Variants in REPS2 observed in about 807,000 individuals in gnomAD.
REPS2 encodes RALBP1 associated Eps domain containing 2, also known as ralBP1-associated Eps domain-containing protein 2.
A neutral mutation model predicts 53.6 loss-of-function variants in REPS2; 23 were observed. The observed-to-expected ratio is 0.43, with a 90% CI of 0.31 to 0.61. The LOEUF (loss-of-function observed/expected upper bound fraction) is 0.61, where lower values mean the gene tolerates loss of function less well. Among genes scored for constraint, REPS2 ranks in the 20% least tolerant of loss-of-function variants. The probability of loss-of-function intolerance (pLI) is 0.11; values close to 1 mark genes in which losing one functional copy is unlikely to be tolerated. For missense variants in REPS2, 446 were observed against 534.9 expected (o/e 0.83, Z 1.64); for synonymous variants, 238 against 218.6 (o/e 1.09, Z -0.78).
chrX:17,128,419 G>C (rs892607869), intron 14 of REPS2, among the ~76,000 whole-genome samples: 1 of 110,404 alleles, frequency 9.1e-6, no homozygotes, highest in Middle Eastern at 4.6e-3. Flanking sequence ...GGGGTGGGAG[G>C]TAGGCTCCCA....
rs1293317066 is a variant in REPS2, at chrX:17,020,222, G to T, written c.398-1901G>T. Among the ~76,000 whole-genome samples, 4 of 112,228 alleles carry T rather than the reference G, an allele frequency of 3.6e-5. 1 individual carries two copies. The East Asian group carries it at 1.1e-3, about 31-fold the overall frequency. On this transcript the variant is annotated intron_variant, in intron 2 of 17. Transcript: ENST00000357277. Reference sequence around the variant, plus strand: ...CATAATTCAGTTAGTGTATTCCATTGTTCCTTGGAGGTATCTGTTGAATGC... The same window carrying T: ...CATAATTCAGTTAGTGTATTCCATTTTTCCTTGGAGGTATCTGTTGAATGC...
At chrX:17,141,799 T>C (rs1430272228) in intron 17 of REPS2, among the ~76,000 whole-genome samples, 1 of 112,828 alleles carries the variant, frequency 8.9e-6, no homozygotes, top group Non-Finnish European at 1.9e-5. Flanking sequence ...CATATCTTAC[T>C]TTATGAAATA....
At position 16,951,548 on chromosome X, in the gene REPS2, CACACACACACA is replaced by C. The variant is rs1458275979; in HGVS notation, c.273+4415_273+4425del. On this transcript the variant is annotated intron_variant, in intron 1 of 17. Transcript: ENST00000357277. ...ACACACACACACACACACACACACA[CACACACACACA>C]CCCCCGCTACCTACCTCTCTCTGGG... is the stretch of plus-strand genomic sequence containing the variant. 6.3e-3 allele frequency among the ~76,000 whole-genome samples: 208 copies of C among 33,143 alleles called. 5 individuals carry two copies. The highest frequency in any genetic ancestry group is 0.016 in the Admixed American group (31 of 1,955). The allele number at this position is 33,143 out of a possible 115,157, so 28.8% of individuals were successfully genotyped here.
chrX:17,007,234 G>C (rs745903005), intron 2 of REPS2, among the ~76,000 whole-genome samples: 1 of 112,194 alleles, frequency 8.9e-6, no homozygotes, highest in African/African-American at 3.2e-5. Flanking sequence ...AAATGGCCGA[G>C]AAGATTGCCA....
chrX:17,138,205 G>A (rs981220604), intron 16 of REPS2: 44 of 112,526 alleles, frequency 3.9e-4, no homozygotes, highest in African/African-American at 1.4e-3. Context: ...AATGGGCGCA[G>A]TAGGATGCGT....
At chrX:17,170,146 A>G in the REPS2 span, among the ~76,000 whole-genome samples, 2 of 112,659 alleles carry the variant, frequency 1.8e-5, no homozygotes, top group Non-Finnish European at 3.8e-5. Flanking sequence ...GAATGTTGGC[A>G]CCATCACAGG....
the REPS2 span, among the ~76,000 whole-genome samples, chrX:17,170,346 T>C: frequency 8.9e-6 from 1 of 112,608 alleles, no homozygotes; most frequent in Admixed American, 9.4e-5. Flanking sequence ...GACATTTCCT[T>C]CCAGGGTAAG....
rs760807265 is a variant in REPS2, at chrX:17,043,094, G to A, written c.772-4253G>A. On this transcript the variant is annotated intron_variant, in intron 5 of 17. Coordinates refer to ENST00000357277, the MANE Select transcript of REPS2 (RefSeq NM_004726.3). ...TTATGGGTATGAGCCAACATGCCCA[G>A]CCAAGATTCATATTTTTTAAGACGC... Among the ~76,000 whole-genome samples, 170 of 111,673 alleles carry A rather than the reference G, an allele frequency of 1.5e-3. 1 individual carries two copies. Among genetic ancestry groups the A allele is most frequent in the Non-Finnish European group, 2.7e-3 (146 of 53,182 alleles).
At chrX:17,076,093 G>A (rs943706736) in intron 12 of REPS2, among the ~76,000 whole-genome samples, 1 of 112,046 alleles carries the variant, frequency 8.9e-6, no homozygotes, top group Admixed American at 9.5e-5. Context: ...TTGTAAGACA[G>A]ACAGAACCCT....
At chrX:17,068,039 C>T (rs1017092741) in intron 9 of REPS2, among the ~76,000 whole-genome samples, 1 of 111,826 alleles carries the variant, frequency 8.9e-6, no homozygotes, top group Non-Finnish European at 1.9e-5. Flanking sequence ...TTCGGCTGGG[C>T]GCGGTGGCTC....
In REPS2 at chrX:17,050,194, CTTTT is replaced by C. The variant is rs200986826; in HGVS notation, c.908-2175_908-2172del. 9.6e-3 allele frequency among the ~76,000 whole-genome samples: 495 copies of C among 51,702 alleles called. 26 individuals are homozygous for C. Among genetic ancestry groups the C allele is most frequent in the African/African-American group, 0.04 (418 of 10,444 alleles). The allele number at this position is 51,702 out of a possible 115,157, so 44.9% of individuals were successfully genotyped here. On this transcript the variant is annotated intron_variant, in intron 6 of 17. Transcript: ENST00000357277. ...TCTTTCTTTCTTTCTTTCTTTCTTTCTTTTTTTTTTTTTTTTGACAGGGTCTTAC... is the reference window on the plus strand; with the variant it reads ...TCTTTCTTTCTTTCTTTCTTTCTTTCTTTTTTTTTTTTGACAGGGTCTTAC...
chrX:17,067,499 G>T (rs755728105), intron 9 of REPS2, among the ~76,000 whole-genome samples: 3 of 112,007 alleles, frequency 2.7e-5, no homozygotes, highest in African/African-American at 9.7e-5. Context: ...TAGAATGTGT[G>T]TTAAATTGAG....
intron 4 of REPS2, among the ~76,000 whole-genome samples, chrX:17,029,183 G>C (rs372129667): frequency 3.0e-3 from 333 of 111,587 alleles, no homozygotes; most frequent in African/African-American, 0.01. Flanking sequence ...GGGATATATA[G>C]AATTTACCTC....
At chrX:17,187,442 G>A in the REPS2 span, among the ~76,000 whole-genome samples, 14 of 111,970 alleles carry the variant, frequency 1.3e-4, no homozygotes, top group Admixed American at 3.8e-4. Flanking sequence ...GAATGTGCCC[G>A]GAATGCAGCA....
intron 2 of REPS2, among the ~76,000 whole-genome samples, chrX:17,017,408 G>A (rs1312403890): frequency 8.9e-6 from 1 of 112,026 alleles, no homozygotes; most frequent in Non-Finnish European, 1.9e-5. Context: ...ATGATTCAAT[G>A]TATGAAGTTC....
chrX:17,021,503 G>T (rs1048337503), intron 2 of REPS2, among the ~76,000 whole-genome samples: 1 of 112,313 alleles, frequency 8.9e-6, no homozygotes, highest in Admixed American at 9.4e-5. Flanking sequence ...AATTACATAG[G>T]ATGAGAAACT....
intron 1 of REPS2, among the ~76,000 whole-genome samples, chrX:16,963,677 G>C (rs1352409887): frequency 1.8e-5 from 2 of 112,345 alleles, no homozygotes; most frequent in East Asian, 5.6e-4. Flanking sequence ...ACTGTAATAA[G>C]TAAACGACTT....
intron 13 of REPS2, among the ~76,000 whole-genome samples, chrX:17,093,201 A>ATATATATATATATATATATAT (rs2062647822): frequency 4.4e-5 from 1 of 22,515 alleles, no homozygotes; most frequent in Non-Finnish European, 7.2e-5. Context: ...TATATATATA[A>ATATATATATATATATATATAT]TTTTTTTTTT....
chrX:16,980,220 C>T (rs1246411517), intron 1 of REPS2, among the ~76,000 whole-genome samples: 4 of 104,685 alleles, frequency 3.8e-5, no homozygotes, highest in African/African-American at 7.0e-5. Context: ...GTGATTCTCC[C>T]GCCTCAGCTT....
Sources: gnomAD v4.1 joint callset for allele counts (sites outside exome capture counted in the v4.1 genomes callset) on GRCh38, gnomAD v4.1.1 for gene constraint, MANE v1.5 for transcripts, NCBI Gene and HGNC (gene_info 2026-07-23, HGNC 2026-07-21) for gene names.